The following RNF2 variants were observed in gnomAD, a reference collection of about 807,000 sequenced individuals.
RNF2 encodes the protein ring finger protein 2.
A neutral mutation model predicts 37.2 loss-of-function variants in RNF2; 6 were observed. The ratio of observed to expected loss-of-function variants is 0.16; its 90% CI spans 0.09 to 0.32. The LOEUF is 0.32. RNF2 is among the 10% of genes least tolerant of loss of function. The pLI, the probability that RNF2 is intolerant of heterozygous loss-of-function variation, is 1.00. For synonymous variants in RNF2, 133 were observed against 132.7 expected (o/e 1.00, Z -0.02); for missense variants, 251 against 404.0 (o/e 0.62, Z 3.25).
intron 1 of RNF2, among the ~76,000 whole-genome samples, chr1:185,061,064 C>T (rs1256005114): frequency 2.6e-5 from 4 of 151,504 alleles, no homozygotes; most frequent in African/African-American, 9.7e-5. Context: ...TTACAGTGAG[C>T]CATGAGTCAC....
Position 185,100,263 on chromosome 1 carries a change from A to T in RNF2, c.973A>T (p.Met325Leu). The change falls in exon 7 of 7, where the codon ATG becomes TTG. Residue 325 changes from methionine to leucine, a missense_variant. This residue lies in a region of RNF2 where 59 missense variants were observed against 69.1 expected (regional missense o/e 0.85). Transcript: ENST00000367510. ...GAAATACTGGAAAGTGAACAAACCC[A>T]TGGAACTTTATTACGCACCTACAAA... ...SEKYWKVNKPMELYYAPTKEH... is the reference protein window; with the variant it reads ...SEKYWKVNKPLELYYAPTKEH... 6.2e-7 allele frequency: 1 copy of T among 1,612,454 alleles called. No individual in the cohort carries two copies. Among genetic ancestry groups the T allele is most frequent in the Non-Finnish European group, 8.5e-7 (1 of 1,179,398 alleles).
intron 1 of RNF2, among the ~76,000 whole-genome samples, chr1:185,057,817 A>C (rs1017645049): frequency 4.6e-5 from 7 of 152,062 alleles, no homozygotes; most frequent in East Asian, 1.9e-4. Context: ...AAAAAAAAAA[A>C]AACAGTAAAA....
intron 1 of RNF2, among the ~76,000 whole-genome samples, chr1:185,079,480 A>G (rs751849393): frequency 5.9e-5 from 9 of 152,176 alleles, no homozygotes; most frequent in Non-Finnish European, 2.9e-5. Context: ...TAACCTTTTA[A>G]AGGAAAGCAT....
Position 185,071,722 on chromosome 1 carries a change from AGT to A in RNF2, c.-2-15822_-2-15821del, listed in dbSNP as rs141483444. 318 of 160,802 alleles carry A rather than the reference AGT, an allele frequency of 2.0e-3. 5 individuals are homozygous for A. In the South Asian group the frequency reaches 0.03, roughly 15 times the overall value. The allele number at this position is 160,802 out of a possible 1,614,324, so 10.0% of individuals were successfully genotyped here. On this transcript the variant is annotated intron_variant, in intron 1 of 6. Coordinates refer to ENST00000367510, the MANE Select transcript of RNF2 (RefSeq NM_007212.4). ...GTAATGCATCTCAATGAAGTCACAC[AGT>A]GTGTGTGGTTTTGTCAATGGCCAGT...
intron 3 of RNF2, among the ~76,000 whole-genome samples, chr1:185,092,318 A>T (rs1030256675): frequency 6.6e-6 from 1 of 152,014 alleles, no homozygotes; most frequent in African/African-American, 2.4e-5. Flanking sequence ...CTGGGATTAC[A>T]GGCGTGTATC....
chr1:185,067,320 C>T (rs1193866891), intron 1 of RNF2, among the ~76,000 whole-genome samples: 1 of 152,138 alleles, frequency 6.6e-6, no homozygotes, highest in Non-Finnish European at 1.5e-5. Context: ...TGAGGTGTTA[C>T]CGCAGGCAGT....
intron 3 of RNF2, 97 bp downstream of exon 3, chr1:185,091,836 A>G: frequency 1.7e-6 from 2 of 1,207,694 alleles, no homozygotes; most frequent in East Asian, 2.4e-5. Context: ...TTTTTTTGAG[A>G]CAGAGTTTCG....
chr1:185,091,754 G>A lies in RNF2; in HGVS notation c.248+15G>A, dbSNP rs1170063056. On this transcript the variant is annotated intron_variant, in intron 3 of 6. Transcript: ENST00000367510. ...CTTAGAAGTGGGTATGTTGAAAAGA[G>A]TTGTTATACTAGGTACTTAATTGTA... The A allele has an allele frequency of 1.2e-6, 2 of 1,610,054 alleles. No homozygotes were observed. The highest frequency in any genetic ancestry group is 3.3e-5 in the Admixed American group (2 of 59,768).
Position 185,093,178 on chromosome 1 carries a change from T to C in RNF2, c.366T>C (p.Ala122=). Residue 122 remains alanine, a synonymous_variant, in exon 4 of 7, where the codon GCT becomes GCC. Transcript: ENST00000367510. ...ATCCAAGTCGTGATGAGTATGAAGC[T>C]CATCAAGAGAGAGTATTAGCCAGGA... is the stretch of plus-strand genomic sequence containing the variant. ...KIYPSRDEYE[A]HQERVLARIN... 6.2e-7 allele frequency: 1 copy of C among 1,613,992 alleles called. No individual in the cohort carries two copies. Among genetic ancestry groups the C allele is most frequent in the Non-Finnish European group, 8.5e-7 (1 of 1,179,968 alleles).
intron 1 of RNF2, among the ~76,000 whole-genome samples, chr1:185,080,378 A>G (rs1651310263): frequency 6.6e-6 from 1 of 152,178 alleles, no homozygotes; most frequent in South Asian, 2.1e-4. Flanking sequence ...GATTAAATCG[A>G]TTTTGGGGCA....
chr1:185,066,347 C>G (rs554293133), intron 1 of RNF2, among the ~76,000 whole-genome samples: 2 of 152,244 alleles, frequency 1.3e-5, no homozygotes, highest in East Asian at 3.9e-4. Flanking sequence ...TTGGAGTTTC[C>G]CAGACATGCC....
At chr1:185,070,811 T>A (rs1044550860) in intron 1 of RNF2, among the ~76,000 whole-genome samples, 4 of 151,992 alleles carry the variant, frequency 2.6e-5, no homozygotes, top group African/African-American at 9.7e-5. Context: ...CTCATTTTTT[T>A]ATTTTTAGTA....
chr1:185,074,371 G>T (rs530486380), intron 1 of RNF2, among the ~76,000 whole-genome samples: 1 of 152,198 alleles, frequency 6.6e-6, no homozygotes, highest in South Asian at 2.1e-4. Flanking sequence ...GTAGGGGTAG[G>T]ATGGGACTGA....
chr1:185,085,636 T>G (rs2102192328), intron 1 of RNF2, among the ~76,000 whole-genome samples: 1 of 151,974 alleles, frequency 6.6e-6, no homozygotes, highest in African/African-American at 2.4e-5. Context: ...AACGATTTGA[T>G]CATGTCACTC....
intron 4 of RNF2, among the ~76,000 whole-genome samples, chr1:185,095,462 C>T (rs74134413): frequency 0.017 from 2,608 of 152,284 alleles, 87 homozygotes; most frequent in African/African-American, 0.058. Flanking sequence ...CTTAAGTTCT[C>T]ATCTTCCATT....
intron 1 of RNF2, among the ~76,000 whole-genome samples, chr1:185,051,865 T>C (rs1248308135): frequency 6.8e-6 from 1 of 147,572 alleles, no homozygotes. Flanking sequence ...TATACATGCA[T>C]ATATATATGT....
intron 2 of RNF2, among the ~76,000 whole-genome samples, chr1:185,087,843 G>A (rs1484788189): frequency 6.6e-6 from 1 of 152,162 alleles, no homozygotes; most frequent in Non-Finnish European, 1.5e-5. Flanking sequence ...GTAGGTACTG[G>A]GTGAACAGTG....
intron 1 of RNF2, among the ~76,000 whole-genome samples, chr1:185,079,206 C>G (rs1487376771): frequency 6.6e-6 from 1 of 151,704 alleles, no homozygotes; most frequent in African/African-American, 2.4e-5. Flanking sequence ...TGTATAGAAG[C>G]ATTTCTGGTG....
At chr1:185,060,009 GA>G (rs529223052) in intron 1 of RNF2, among the ~76,000 whole-genome samples, 92 of 152,338 alleles carry the variant, frequency 6.0e-4, no homozygotes, top group African/African-American at 2.2e-3. Context: ...TGACACAAGG[GA>G]ATGTTACTGT....
Sources: allele counts gnomAD v4.1 joint callset (sites outside exome capture counted in the v4.1 genomes callset), GRCh38; gene constraint gnomAD v4.1.1; regional missense constraint gnomAD v4.1.1; transcripts MANE v1.5; gene names NCBI Gene and HGNC (gene_info 2026-07-23, HGNC 2026-07-21).